The following RPS6KB1 variants were observed in gnomAD, a reference collection of about 807,000 sequenced individuals.
RPS6KB1 encodes ribosomal protein S6 kinase beta-1.
In RPS6KB1, 12 loss-of-function variants were observed where a neutral mutation model predicts 70.2. That is an observed-to-expected ratio of 0.17 (90% CI 0.11 to 0.28). The LOEUF is 0.28. RPS6KB1 is among the 10% of genes least tolerant of loss of function. RPS6KB1 has a pLI of 1.00. For synonymous variants in RPS6KB1, 175 were observed against 211.2 expected (o/e 0.83, Z 1.49); for missense variants, 270 against 646.6 (o/e 0.42, Z 6.32).
At chr17:59,931,241 C>T (rs949995460) in intron 6 of RPS6KB1, 3 of 203,236 alleles carry the variant, frequency 1.5e-5, no homozygotes, top group African/African-American at 7.2e-5. Context: ...AACAAAGTTC[C>T]TATTTCCTAT....
chr17:59,931,901 G>A (rs1172771454), intron 7 of RPS6KB1, among the ~76,000 whole-genome samples, 179 bp downstream of exon 7: 2 of 152,164 alleles, frequency 1.3e-5, no homozygotes, highest in Non-Finnish European at 2.9e-5. Flanking sequence ...TACGCTTGGT[G>A]AGAGTAAAAG....
intron 4 of RPS6KB1, among the ~76,000 whole-genome samples, chr17:59,918,900 C>T (rs1254464987): frequency 1.3e-4 from 19 of 143,776 alleles, no homozygotes; most frequent in South Asian, 8.8e-4. Flanking sequence ...GGCACAGTCT[C>T]GGCTCACTGC....
chr17:59,946,471 C>T lies in RPS6KB1; in HGVS notation c.1341-80C>T. The T allele has an allele frequency of 9.5e-7, 1 of 1,056,126 alleles. No individual in the cohort carries two copies. The highest frequency in any genetic ancestry group is 2.4e-5 in the East Asian group (1 of 41,868). The allele number at this position is 1,056,126 out of a possible 1,614,324, so 65.4% of individuals were successfully genotyped here. On this transcript the variant is annotated intron_variant, in intron 14 of 14. Transcript: ENST00000225577. The surrounding 1 kb of genome is among the most constrained non-coding windows in gnomAD (Gnocchi z 4.2). ...TGAAAATAAATGTCATGTTACCCCA[C>T]TCCCTTTAAACGTAAAGGAAATATG...
At chr17:59,897,677 C>G (rs545607935) in intron 1 of RPS6KB1, among the ~76,000 whole-genome samples, 1 of 152,136 alleles carries the variant, frequency 6.6e-6, no homozygotes, top group East Asian at 1.9e-4. Context: ...AAAAAAGATC[C>G]TGTTTAAGGC....
chr17:59,906,381 T>G (rs1365196050), intron 1 of RPS6KB1, among the ~76,000 whole-genome samples: 1 of 151,716 alleles, frequency 6.6e-6, no homozygotes, highest in East Asian at 1.9e-4. Context: ...CCCTTCCCTT[T>G]CGACAGAGTC....
In RPS6KB1 at chr17:59,912,671, C is replaced by T. The variant is rs2144793106; in HGVS notation, c.192-13C>T. 6.2e-7 allele frequency: 1 copy of T among 1,602,886 alleles called. No homozygotes were observed. ...TTTTGCAAATTTATTTTTGGTTTTG[C>T]TTTTCTTCCCAGTGGCATGGAACAT... On this transcript the variant is annotated splice_polypyrimidine_tract_variant and intron_variant, in intron 2 of 14. Coordinates refer to ENST00000225577, the MANE Select transcript of RPS6KB1 (RefSeq NM_003161.4).
chr17:59,935,267 C>T lies in RPS6KB1; in HGVS notation c.945C>T (p.Tyr315=). The part of the protein sequence containing the change: ...ILKCKLNLPP[Y]LTQEARDLLK... ...AATGTAAACTCAATTTGCCTCCCTA[C>T]CTCACACAAGAAGCCAGAGATCTGC... is the stretch of plus-strand genomic sequence containing the variant. The change falls in exon 10 of 15, where the codon TAC becomes TAT. Residue 315 remains tyrosine (Y), a synonymous_variant. Coordinates refer to ENST00000225577, the MANE Select transcript of RPS6KB1 (RefSeq NM_003161.4). The T allele has an allele frequency of 1.2e-6, 2 of 1,611,464 alleles. No individual in the cohort carries two copies. The highest frequency in any genetic ancestry group is 1.7e-6 in the Non-Finnish European group (2 of 1,177,888).
chr17:59,908,957 G>A (rs1251449108), intron 1 of RPS6KB1, among the ~76,000 whole-genome samples: 9 of 113,012 alleles, frequency 8.0e-5, no homozygotes, highest in Non-Finnish European at 1.4e-4. Flanking sequence ...ACAGGGTTTC[G>A]CTCTTGTTGC....
intron 4 of RPS6KB1, among the ~76,000 whole-genome samples, chr17:59,923,846 T>C (rs2043426692): frequency 2.0e-5 from 3 of 152,176 alleles, no homozygotes; most frequent in African/African-American, 7.2e-5. Context: ...ATCCTTTTTT[T>C]CTACAGTGAG....
chr17:59,936,427 G>A (rs2044248564), intron 11 of RPS6KB1, 37 bp from the exon 12 acceptor site: 1 of 1,591,160 alleles, frequency 6.3e-7, no homozygotes, highest in South Asian at 1.1e-5. Context: ...GCAAAGTCTA[G>A]TCCCCTCAAC....
chr17:59,900,207 CACACACACACACACACACACACA>C (rs1568377143), intron 1 of RPS6KB1, among the ~76,000 whole-genome samples: 5 of 150,580 alleles, frequency 3.3e-5, no homozygotes, highest in Admixed American at 6.7e-5. Flanking sequence ...CACACACACA[CACACACACACACACACACACACA>C]CCCCTATGTG....
At chr17:59,917,030 T>G (rs1467393728) in intron 4 of RPS6KB1, among the ~76,000 whole-genome samples, 1 of 152,152 alleles carries the variant, frequency 6.6e-6, no homozygotes, top group Non-Finnish European at 1.5e-5. Context: ...ACATGGCCTA[T>G]TTTTTCTGTG....
Position 59,914,715 on chromosome 17 carries a change from T to TC in RPS6KB1, c.381+17dup. On this transcript the variant is annotated intron_variant, in intron 4 of 14. Coordinates refer to ENST00000225577, the MANE Select transcript of RPS6KB1 (RefSeq NM_003161.4). ...AGGTGCTTAAAAAGGTGATTTCCACTCCCCCTTTTTAGTCCTCACACACCA... is the reference window on the plus strand; with the variant it reads ...AGGTGCTTAAAAAGGTGATTTCCACTCCCCCCTTTTTAGTCCTCACACACCA... 6.3e-7 allele frequency: 1 copy of TC among 1,586,538 alleles called. No homozygotes were observed. Among genetic ancestry groups the TC allele is most frequent in the Non-Finnish European group, 8.6e-7 (1 of 1,156,954 alleles).
chr17:59,914,581 G>A (rs1346841599), intron 3 of RPS6KB1, 54 bp from the exon 4 acceptor site: 3 of 1,240,384 alleles, frequency 2.4e-6, no homozygotes, highest in Admixed American at 1.7e-5. Context: ...GGAATTAAGG[G>A]AGTATGCCTG....
chr17:59,919,186 G>T (rs2043130566), intron 4 of RPS6KB1, among the ~76,000 whole-genome samples: 1 of 152,054 alleles, frequency 6.6e-6, no homozygotes, highest in Admixed American at 6.6e-5. Flanking sequence ...TTCTCTGCAG[G>T]GTAGTCAAGT....
intron 14 of RPS6KB1, 23 bp downstream of exon 14, chr17:59,945,541 CT>C (rs201142405): frequency 9.7e-5 from 133 of 1,374,724 alleles, no homozygotes; most frequent in African/African-American, 1.9e-4. Context: ...CTTATTTTCA[CT>C]TTTTTTTGTT....
At chr17:59,931,473 A>G in intron 6 of RPS6KB1, 149 bp from the exon 7 acceptor site, 2 of 627,926 alleles carry the variant, frequency 3.2e-6, no homozygotes, top group Non-Finnish European at 5.7e-6. Flanking sequence ...GCAGCATCCT[A>G]TGCCATCTCT....
At position 59,947,295 on chromosome 17, in the gene RPS6KB1, C is replaced by A; in HGVS notation, c.*507C>A. On this transcript the variant is annotated 3_prime_UTR_variant, in exon 15 of 15. Coordinates refer to ENST00000225577, the MANE Select transcript of RPS6KB1 (RefSeq NM_003161.4). ...TGTTTTACGTGCAAACAACCTGAAT[C>A]TTTTTTTTATATAAATATATATTTT... 1 of 991,804 alleles carries A rather than the reference C, an allele frequency of 1.0e-6. No individual in the cohort carries two copies. Among genetic ancestry groups the A allele is most frequent in the Non-Finnish European group, 1.2e-6 (1 of 816,878 alleles). 61.4% of individuals were successfully genotyped at this position (991,804 alleles called of 1,614,324 possible). A position where few individuals can be genotyped will look rare whatever the true frequency, so the allele number is the denominator to read the frequency against.
chr17:59,912,751 A>G lies in RPS6KB1; in HGVS notation c.259A>G (p.Arg87Gly), dbSNP rs1212484580. 1 of 1,614,140 alleles carries G rather than the reference A, an allele frequency of 6.2e-7. No individual in the cohort carries two copies. Among genetic ancestry groups the G allele is most frequent in the East Asian group, 2.2e-5 (1 of 44,868 alleles). ...TSVNRGPEKI[R>G]PECFELLRVL... The stretch of plus-strand genomic sequence containing the variant: ...TGTGAACAGAGGGCCAGAAAAAATC[A>G]GACCAGAATGTTTTGAGCTACTTCG... The change falls in exon 3 of 15, where the codon AGA becomes GGA. Residue 87 changes from arginine to glycine, a missense_variant. Arg to Gly is a moderately radical substitution (Grantham distance 125). Transcript: ENST00000225577.
Sources: allele counts gnomAD v4.1 joint callset (sites outside exome capture counted in the v4.1 genomes callset), GRCh38; gene constraint gnomAD v4.1.1; non-coding constraint Gnocchi (gnomAD v3.1); transcripts MANE v1.5; gene names NCBI Gene and HGNC (gene_info 2026-07-23, HGNC 2026-07-21).